The following SAP18 variants were observed in gnomAD, a reference collection of about 807,000 sequenced individuals.
SAP18 encodes histone deacetylase complex subunit SAP18.
A neutral mutation model predicts 18.6 loss-of-function variants in SAP18; 4 were observed. The ratio of observed to expected loss-of-function variants is 0.21; its 90% CI spans 0.11 to 0.49. SAP18 has a LOEUF of 0.49. Among genes scored for constraint, SAP18 ranks in the 20% least tolerant of loss-of-function variants. The pLI, the probability that SAP18 is intolerant of heterozygous loss-of-function variation, is 0.98. For missense variants in SAP18, 170 were observed against 226.4 expected, an observed-to-expected ratio of 0.75 and a Z score of 1.60; for synonymous variants, 112 against 82.8, an observed-to-expected ratio of 1.35 and a Z score of -1.92.
At chr13:21,145,111 G>C (rs1313475736) in intron 2 of SAP18, among the ~76,000 whole-genome samples, 1 of 142,288 alleles carries the variant, frequency 7.0e-6, no homozygotes, top group African/African-American at 2.7e-5. Flanking sequence ...CTGTCATCCA[G>C]GCTGGAGTGC....
Position 21,141,015 on chromosome 13 carries a change from C to T in SAP18, c.239+20C>T, listed in dbSNP as rs760346531. The stretch of plus-strand genomic sequence containing the variant: ...CACTTGGTGAGGAGGGCGGGGTGGC[C>T]TCAGGGACCCGGGCCGGGAACCTGG... On this transcript the variant is annotated intron_variant, in intron 2 of 3. Coordinates refer to ENST00000621421, the Ensembl canonical transcript of SAP18. The T allele has an allele frequency of 2.0e-6, 3 of 1,520,686 alleles. No homozygotes were observed. Among genetic ancestry groups the T allele is most frequent in the Non-Finnish European group, 2.7e-6 (3 of 1,095,762 alleles). The allele number at this position is 1,520,686 out of a possible 1,614,324, so 94.2% of individuals were successfully genotyped here. A position where few individuals can be genotyped will look rare whatever the true frequency, so the allele number is the denominator to read the frequency against.
At chr13:21,145,065 CTTTTTTTTT>C (rs1167195491) in intron 2 of SAP18, among the ~76,000 whole-genome samples, 1 of 127,736 alleles carries the variant, frequency 7.8e-6, no homozygotes, top group East Asian at 2.2e-4. Flanking sequence ...TTCTTGACCT[CTTTTTTTTT>C]TTTTTTTTTT....
chr13:21,147,375 C>T (rs201857690), exon 4 of SAP18: 36 of 1,573,870 alleles, frequency 2.3e-5, no homozygotes, highest in African/African-American at 6.8e-5. Context: ...TTTATTTTTC[C>T]GTCAGTTATG....
intron 2 of SAP18, among the ~76,000 whole-genome samples, chr13:21,145,128 G>A (rs571133048): frequency 4.0e-4 from 60 of 148,152 alleles, no homozygotes; most frequent in South Asian, 1.5e-3. Context: ...GTGCAGTGGC[G>A]CGATCTCGGC....
chr13:21,140,833 G>C (rs750446218), intron 1 of SAP18, 53 bp from the exon 2 acceptor site: 1 of 1,566,034 alleles, frequency 6.4e-7, no homozygotes, highest in East Asian at 2.2e-5. Context: ...ATGAGCTCCG[G>C]GTTCGCAGCT....
upstream of SAP18, among the ~76,000 whole-genome samples, chr13:21,140,184 TC>T (rs1325454629): frequency 2.6e-5 from 4 of 152,224 alleles, no homozygotes; most frequent in African/African-American, 9.6e-5. Context: ...CGGCCCCTCT[TC>T]CGGCTTACCT....
At chr13:21,146,012 T>A (rs1275344394) in intron 2 of SAP18, among the ~76,000 whole-genome samples, 1 of 152,214 alleles carries the variant, frequency 6.6e-6, no homozygotes, top group Non-Finnish European at 1.5e-5. Flanking sequence ...CTAGTACTCT[T>A]ATCTGTTGTA....
exon 4 of SAP18, chr13:21,147,604 C>A: frequency 2.7e-6 from 1 of 366,686 alleles, no homozygotes. Flanking sequence ...GTGTAATCAG[C>A]CTGAGTGTGA....
chr13:21,140,581 G>C, exon 1 of SAP18: 2 of 1,606,300 alleles, frequency 1.2e-6, no homozygotes, highest in Non-Finnish European at 1.7e-6. Flanking sequence ...GGAGGTCAGG[G>C]CGAGCGTCTC....
intron 2 of SAP18, among the ~76,000 whole-genome samples, chr13:21,145,669 C>T (rs941330541): frequency 1.5e-4 from 23 of 152,114 alleles, no homozygotes; most frequent in African/African-American, 4.1e-4. Flanking sequence ...TGTGCCACAA[C>T]GCCTGGCTAA....
chr13:21,148,357 T>C (rs902975914), exon 4 of SAP18: 2 of 152,132 alleles, frequency 1.3e-5, no homozygotes, highest in African/African-American at 4.8e-5. Context: ...GGCCATAAAG[T>C]GGTATTAAAA....
rs905270219 is a variant in SAP18 at position 21,147,038 on chromosome 13, A to G, written c.362+111A>G. On this transcript the variant is annotated intron_variant, in intron 3 of 3. Coordinates refer to ENST00000621421, the Ensembl canonical transcript of SAP18. The stretch of plus-strand genomic sequence containing the variant: ...TGTTAGTGGGAGAATATGGGTTTAT[A>G]TTAATACGTGGTTTGGCTTAATAAA... The G allele has an allele frequency of 2.8e-6, 4 of 1,428,154 alleles. No homozygotes were observed. The African/African-American group carries it at 4.3e-5, about 15-fold the overall frequency. The allele number at this position is 1,428,154 out of a possible 1,614,324, so 88.5% of individuals were successfully genotyped here.
chr13:21,140,274 A>G (rs942042565), upstream of SAP18, among the ~76,000 whole-genome samples: 2 of 152,172 alleles, frequency 1.3e-5, no homozygotes, highest in African/African-American at 2.4e-5. Context: ...TGTGTCCAAT[A>G]AGGTTTTCGT....
chr13:21,144,397 C>A (rs1351421936), intron 2 of SAP18, among the ~76,000 whole-genome samples: 2 of 93,094 alleles, frequency 2.1e-5, no homozygotes, highest in East Asian at 3.6e-4. Flanking sequence ...CAGAGCGGGA[C>A]TCCATCTCAA....
exon 2 of SAP18, chr13:21,140,959 G>A: frequency 6.4e-7 from 1 of 1,559,284 alleles, no homozygotes; most frequent in African/African-American, 1.5e-5. Flanking sequence ...TTCTCCCGGG[G>A]AAATGTACCG....
At chr13:21,148,415 A>T (rs1344337313) in exon 4 of SAP18, 1 of 152,162 alleles carries the variant, frequency 6.6e-6, no homozygotes, top group Non-Finnish European at 1.5e-5. Flanking sequence ...GAAGTTTATG[A>T]ACAGTACGAC....
chr13:21,144,358 T>C (rs1869567316), intron 2 of SAP18, among the ~76,000 whole-genome samples: 2 of 124,992 alleles, frequency 1.6e-5, no homozygotes, highest in Non-Finnish European at 3.1e-5. Flanking sequence ...TGAGCCGAGA[T>C]CAGCGCCACT....
intron 2 of SAP18, 167 bp downstream of exon 2, chr13:21,141,162 G>A: frequency 1.6e-6 from 1 of 611,496 alleles, no homozygotes; most frequent in Admixed American, 2.8e-5. Flanking sequence ...TTAGGTGAAA[G>A]GAGATTTGCC....
intron 2 of SAP18, 89 bp downstream of exon 2, chr13:21,141,084 G>C (rs1869450122): frequency 2.4e-6 from 2 of 847,202 alleles, no homozygotes; most frequent in Non-Finnish European, 3.9e-6. Context: ...TATTCTCCCT[G>C]ATTTCAATTT....
Sources: allele counts gnomAD v4.1 joint callset (sites outside exome capture counted in the v4.1 genomes callset), GRCh38; gene constraint gnomAD v4.1.1; transcripts MANE v1.5; gene names NCBI Gene and HGNC (gene_info 2026-07-23, HGNC 2026-07-21).